Variants in DCP2 observed in about 807,000 individuals in gnomAD.
The protein encoded by DCP2 is m7GpppN-mRNA hydrolase.
DCP2 carries 30 observed loss-of-function variants against 56.1 expected under a neutral mutation model. The observed-to-expected ratio is 0.53, with a 90% CI of 0.40 to 0.73. The LOEUF (loss-of-function observed/expected upper bound fraction) is 0.73, where lower values mean the gene tolerates loss of function less well. Ranked by LOEUF, DCP2 falls within the 30% of genes least tolerant of loss-of-function variation. DCP2 has a pLI of 0.00. For missense variants in DCP2, 533 were observed against 502.7 expected, an observed-to-expected ratio of 1.06 and a Z score of -0.58; for synonymous variants, 197 against 163.3, an observed-to-expected ratio of 1.21 and a Z score of -1.57.
chr5:113,001,344 T>A lies in DCP2; in HGVS notation c.586-13T>A. 1.9e-6 allele frequency: 3 copies of A among 1,601,736 alleles called. No homozygotes were observed. The highest frequency in any genetic ancestry group is 1.7e-6 in the Non-Finnish European group (2 of 1,175,384). ...AAAATTAACTAAATGAATTATTTTC[T>A]TCTGTGTTTCAGAACATTGAGTGGT... On this transcript the variant is annotated splice_polypyrimidine_tract_variant and intron_variant, in intron 5 of 10. Coordinates refer to ENST00000389063, the MANE Select transcript of DCP2 (RefSeq NM_152624.6).
chr5:112,978,812 A>G (rs1352089690), intron 1 of DCP2, among the ~76,000 whole-genome samples: 1 of 152,142 alleles, frequency 6.6e-6, no homozygotes, highest in African/African-American at 2.4e-5. Context: ...TTTTTTATGC[A>G]TTTTATAGTT....
intron 1 of DCP2, among the ~76,000 whole-genome samples, chr5:112,985,226 C>A (rs1005144044): frequency 1.3e-5 from 2 of 151,922 alleles, no homozygotes; most frequent in Non-Finnish European, 2.9e-5. Flanking sequence ...TGTGTACATG[C>A]AATATTAGTG....
At chr5:112,987,367 C>T (rs1277703947) in intron 2 of DCP2, among the ~76,000 whole-genome samples, 1 of 152,114 alleles carries the variant, frequency 6.6e-6, no homozygotes, top group African/African-American at 2.4e-5. Flanking sequence ...GCCATAATAG[C>T]AGATATGGTT....
In DCP2 at chr5:113,001,554, A is replaced by C. The variant is rs775732586; in HGVS notation, c.699-13A>C. ...AGCCATATTTTGAAAGTGAATTCTTAATGTTTCTGCAGACCATTAAGGGAC... is the reference window on the plus strand; with the variant it reads ...AGCCATATTTTGAAAGTGAATTCTTCATGTTTCTGCAGACCATTAAGGGAC... On this transcript the variant is annotated splice_polypyrimidine_tract_variant and intron_variant, in intron 6 of 10. Transcript: ENST00000389063. 1 of 1,613,206 alleles carries C rather than the reference A, an allele frequency of 6.2e-7. No individual in the cohort carries two copies. Among genetic ancestry groups the C allele is most frequent in the East Asian group, 2.2e-5 (1 of 44,856 alleles).
intron 7 of DCP2, 96 bp from the exon 8 acceptor site, chr5:113,003,846 A>C: frequency 7.3e-7 from 1 of 1,377,654 alleles, no homozygotes; most frequent in Non-Finnish European, 1.0e-6. Flanking sequence ...GACAGTAAAT[A>C]AGAAAATATG....
chr5:112,987,473 G>A (rs900148984), intron 2 of DCP2, among the ~76,000 whole-genome samples: 20 of 151,970 alleles, frequency 1.3e-4, no homozygotes, highest in Admixed American at 1.3e-4. Flanking sequence ...CCGACAAACC[G>A]AGACAGCCTC....
Position 113,010,735 on chromosome 5 carries a change from GT to G in DCP2, c.1048-7del, listed in dbSNP as rs61417979. ...CTGTGTTGTATGTGTGTGTGTGTGT[GT>G]TTTTTTTTTTTTTAAATAGAAGTGT... On this transcript the variant is annotated intron_variant, in intron 9 of 10. Transcript: ENST00000389063. 0.013 allele frequency: 13,865 copies of G among 1,028,918 alleles called. 10 individuals carry two copies. The highest frequency in any genetic ancestry group is 0.031 in the African/African-American group (1,440 of 45,844). 63.7% of individuals were successfully genotyped at this position (1,028,918 alleles called of 1,614,324 possible).
chr5:113,003,162 C>CTGG (rs1749258372), intron 7 of DCP2, among the ~76,000 whole-genome samples: 1 of 52,000 alleles, frequency 1.9e-5, no homozygotes, highest in African/African-American at 9.3e-5. Flanking sequence ...TAGTCAAAAG[C>CTGG]TGACTAATTC....
intron 9 of DCP2, among the ~76,000 whole-genome samples, chr5:113,009,927 T>C (rs1255550592): frequency 4.0e-5 from 6 of 151,728 alleles, no homozygotes; most frequent in Non-Finnish European, 8.8e-5. Flanking sequence ...TTTCCTTTTT[T>C]TTTTTTTTGA....
rs200919470 is a variant in DCP2 at position 113,003,981 on chromosome 5, C to T, written c.846C>T (p.Asp282=). The change falls in exon 8 of 11, where the codon GAC becomes GAT. Residue 282 remains aspartate, a synonymous_variant. Coordinates refer to ENST00000389063, the MANE Select transcript of DCP2 (RefSeq NM_152624.6). ...KFRHSQQLFP[D]GSPGDQWVKH... ...GCCACAGTCAGCAGTTATTTCCTGACGGTTCTCCTGGTGACCAGTGGGTAA... is the reference window on the plus strand; with the variant it reads ...GCCACAGTCAGCAGTTATTTCCTGATGGTTCTCCTGGTGACCAGTGGGTAA... 44 of 1,614,014 alleles carry T rather than the reference C, an allele frequency of 2.7e-5. No individual in the cohort carries two copies. Among genetic ancestry groups the T allele is most frequent in the Non-Finnish European group, 3.3e-5 (39 of 1,180,012 alleles).
rs1387475320 is a variant in DCP2 at position 113,021,605 on chromosome 5, G to GAAAT, written c.*8123_*8126dup. On this transcript the variant is annotated 3_prime_UTR_variant, in exon 11 of 11. Coordinates refer to ENST00000389063, the MANE Select transcript of DCP2 (RefSeq NM_152624.6). ...TTAACTTTGGATCTCAAGGGGGAAAGAAATACATTCTTTTCCATTAGAGAC... is the reference window on the plus strand; with the variant it reads ...TTAACTTTGGATCTCAAGGGGGAAAGAAATAAATACATTCTTTTCCATTAGAGAC... 1.3e-5 allele frequency among the ~76,000 whole-genome samples: 2 copies of GAAAT among 152,162 alleles called. No homozygotes were observed. Among genetic ancestry groups the GAAAT allele is most frequent in the Admixed American group, 1.3e-4 (2 of 15,268 alleles).
intron 10 of DCP2, 122 bp downstream of exon 10, chr5:113,010,929 C>G (rs1749657457): frequency 9.7e-6 from 10 of 1,029,992 alleles, no homozygotes; most frequent in Non-Finnish European, 1.2e-5. Flanking sequence ...TGCATATGTT[C>G]TGTAGAAAGA....
chr5:112,995,445 A>G (rs2150178977), intron 4 of DCP2, among the ~76,000 whole-genome samples: 1 of 152,298 alleles, frequency 6.6e-6, no homozygotes. Flanking sequence ...GTAGCTCTGT[A>G]CATGGGATTA....
In DCP2 at chr5:112,984,716, A is replaced by G. The variant is rs1233405490; in HGVS notation, c.54-1119A>G. 1.6e-4 allele frequency: 21 copies of G among 131,080 alleles called. No individual in the cohort carries two copies. The South Asian group carries it at 4.6e-3, about 29-fold the overall frequency. 8.1% of individuals were successfully genotyped at this position (131,080 alleles called of 1,614,324 possible). ...AAAAAAAAAAAAAATATATATATAT[A>G]TATATATATTTGAGACAGTGTCTCG... On this transcript the variant is annotated intron_variant, in intron 1 of 10. Coordinates refer to ENST00000389063, the MANE Select transcript of DCP2 (RefSeq NM_152624.6).
rs527270872 is a variant in DCP2, at chr5:113,007,876, A to G, written c.943-62A>G. 2.7e-4 allele frequency: 385 copies of G among 1,404,766 alleles called. 4 individuals carry two copies. The East Asian group carries it at 8.5e-3, about 31-fold the overall frequency. 87.0% of individuals were successfully genotyped at this position (1,404,766 alleles called of 1,614,324 possible). A position where few individuals can be genotyped will look rare whatever the true frequency, so the allele number is the denominator to read the frequency against. On this transcript the variant is annotated intron_variant, in intron 8 of 10. Coordinates refer to ENST00000389063, the MANE Select transcript of DCP2 (RefSeq NM_152624.6). ...AACCAGCTAAACATATTCATGGGGT[A>G]TTTTTTTTGTGCTATTACATTATGC...
chr5:112,984,722 A>ATATATATATATATATATATT (rs1328543744), intron 1 of DCP2: 2 of 134,316 alleles, frequency 1.5e-5, no homozygotes, highest in African/African-American at 5.9e-5. Flanking sequence ...ATATATATAT[A>ATATATATATATATATATATT]TATTTGAGAC....
At chr5:112,985,100 T>C (rs948675316) in intron 1 of DCP2, among the ~76,000 whole-genome samples, 27 of 152,056 alleles carry the variant, frequency 1.8e-4, no homozygotes, top group African/African-American at 6.5e-4. Flanking sequence ...TGCTTAACAT[T>C]GGAAAAAATA....
chr5:113,002,656 AAC>A (rs1427643434), intron 7 of DCP2, among the ~76,000 whole-genome samples: 2 of 152,052 alleles, frequency 1.3e-5, no homozygotes, highest in African/African-American at 4.8e-5. Context: ...AGTCACTGGG[AAC>A]ACAGGCAGAT....
intron 1 of DCP2, among the ~76,000 whole-genome samples, chr5:112,983,343 A>G (rs940498345): frequency 6.6e-6 from 1 of 152,198 alleles, no homozygotes; most frequent in Admixed American, 6.5e-5. Flanking sequence ...CAGCATTTCA[A>G]CAGAGCGGGC....
Sources: allele counts gnomAD v4.1 joint callset (sites outside exome capture counted in the v4.1 genomes callset), GRCh38; gene constraint gnomAD v4.1.1; transcripts MANE v1.5; gene names NCBI Gene and HGNC (gene_info 2026-07-23, HGNC 2026-07-21).